Variants in SCAMP1 observed in about 807,000 individuals in gnomAD.
The protein encoded by SCAMP1 is secretory carrier-associated membrane protein 1.
Under a neutral mutation model 41.8 loss-of-function variants are expected in SCAMP1, and 15 were observed. That is an observed-to-expected ratio of 0.36 (90% CI 0.24 to 0.55). The LOEUF (loss-of-function observed/expected upper bound fraction) is 0.55, where lower values mean the gene tolerates loss of function less well. Ranked by LOEUF, SCAMP1 falls within the 20% of genes least tolerant of loss-of-function variation. The pLI is 0.86. For missense variants in SCAMP1, 341 were observed against 412.6 expected (o/e 0.83, Z 1.50); for synonymous variants, 135 against 136.8 (o/e 0.99, Z 0.09).
At chr5:78,411,512 AAAATAGGAAGT>A (rs1752076344) in intron 2 of SCAMP1, among the ~76,000 whole-genome samples, 2 of 152,312 alleles carry the variant, frequency 1.3e-5, no homozygotes, top group Non-Finnish European at 2.9e-5. Flanking sequence ...ATCTTATTTT[AAAATAGGAAGT>A]TCGTGTCATG....
At chr5:78,365,494 A>AG (rs1251618984) in intron 1 of SCAMP1, among the ~76,000 whole-genome samples, 9 of 151,716 alleles carry the variant, frequency 5.9e-5, no homozygotes, top group Non-Finnish European at 1.2e-4. Context: ...AAAAAAAAAA[A>AG]AAAAGTTCTG....
At chr5:78,427,264 C>G (rs1295671020) in intron 6 of SCAMP1, among the ~76,000 whole-genome samples, 1 of 152,062 alleles carries the variant, frequency 6.6e-6, no homozygotes, top group Non-Finnish European at 1.5e-5. Flanking sequence ...GTGCCATGCT[C>G]TTTTTAATAG....
At chr5:78,442,759 G>A (rs559257485) in intron 6 of SCAMP1, among the ~76,000 whole-genome samples, 8 of 152,240 alleles carry the variant, frequency 5.3e-5, no homozygotes, top group Non-Finnish European at 8.8e-5. Flanking sequence ...TGAGATTTTA[G>A]TTGTTATATT....
intron 2 of SCAMP1, among the ~76,000 whole-genome samples, chr5:78,389,549 G>T (rs1261465995): frequency 2.0e-5 from 3 of 152,018 alleles, no homozygotes; most frequent in African/African-American, 7.3e-5. Flanking sequence ...AACTACAGAT[G>T]TGAGCCGTGG....
In SCAMP1 at chr5:78,459,652, C is replaced by T. The variant is rs184255754; in HGVS notation, c.852+290C>T. ...TAAAATTTGGATTTTTAAATATACTCTAAATTTCTTTTTTTTGATATGAAG... is the reference window on the plus strand; with the variant it reads ...TAAAATTTGGATTTTTAAATATACTTTAAATTTCTTTTTTTTGATATGAAG... On this transcript the variant is annotated intron_variant, in intron 8 of 8. Coordinates refer to ENST00000621999, the MANE Select transcript of SCAMP1 (RefSeq NM_004866.6). Among the ~76,000 whole-genome samples the T allele has an allele frequency of 2.4e-3, 371 of 152,058 alleles. 1 individual carries two copies. The highest frequency in any genetic ancestry group is 4.3e-3 in the Non-Finnish European group (294 of 67,982).
At chr5:78,457,979 C>G (rs149538063) in intron 7 of SCAMP1, 1 of 152,600 alleles carries the variant, frequency 6.6e-6, no homozygotes, top group Non-Finnish European at 1.5e-5. Flanking sequence ...TTCTTTGACT[C>G]GGAAAGGGAA....
At chr5:78,407,124 A>G (rs1287683881) in intron 2 of SCAMP1, among the ~76,000 whole-genome samples, 1 of 152,176 alleles carries the variant, frequency 6.6e-6, no homozygotes, top group Non-Finnish European at 1.5e-5. Context: ...TAAAATGAAG[A>G]TGATATACTA....
intron 1 of SCAMP1, among the ~76,000 whole-genome samples, chr5:78,385,904 G>A (rs1424732490): frequency 3.3e-5 from 5 of 151,920 alleles, no homozygotes; most frequent in South Asian, 2.1e-4. Context: ...TGCTGATGAA[G>A]AGAATGTATG....
intron 8 of SCAMP1, among the ~76,000 whole-genome samples, chr5:78,462,949 T>G (rs1449587272): frequency 2.0e-5 from 3 of 152,174 alleles, no homozygotes; most frequent in Admixed American, 2.0e-4. Context: ...TCCTTATAAT[T>G]TTTTTTACCA....
chr5:78,425,353 G>A (rs539443156), intron 6 of SCAMP1, among the ~76,000 whole-genome samples: 14 of 152,234 alleles, frequency 9.2e-5, no homozygotes, highest in Non-Finnish European at 1.3e-4. Context: ...TATCAATACC[G>A]CTGAAGCACT....
chr5:78,370,036 G>A (rs990594286), intron 1 of SCAMP1, among the ~76,000 whole-genome samples: 1 of 152,182 alleles, frequency 6.6e-6, no homozygotes, highest in Admixed American at 6.5e-5. Context: ...GAAGGGATGT[G>A]CCATGTCATG....
At position 78,477,040 on chromosome 5, in the gene SCAMP1, T is replaced by C. The variant is rs565824869; in HGVS notation, c.*1372T>C. On this transcript the variant is annotated 3_prime_UTR_variant, in exon 9 of 9. Coordinates refer to ENST00000621999, the MANE Select transcript of SCAMP1 (RefSeq NM_004866.6). Reference sequence around the variant, plus strand: ...CTAAATTAAGATTGCAGAATGATAGTGATTATTCAATTAGATTTTAAGTAA... The same window carrying C: ...CTAAATTAAGATTGCAGAATGATAGCGATTATTCAATTAGATTTTAAGTAA... The C allele has an allele frequency of 1.3e-5, 2 of 152,266 alleles. No individual in the cohort carries two copies. The highest frequency in any genetic ancestry group is 4.1e-4 in the South Asian group (2 of 4,826). The allele number at this position is 152,266 out of a possible 1,614,324, so 9.4% of individuals were successfully genotyped here.
chr5:78,479,956 G>A lies in SCAMP1; in HGVS notation c.*4288G>A, dbSNP rs1442879130. 6.6e-6 allele frequency among the ~76,000 whole-genome samples: 1 copy of A among 151,938 alleles called. No homozygotes were observed. Among genetic ancestry groups the A allele is most frequent in the African/African-American group, 2.4e-5 (1 of 41,358 alleles). Reference sequence around the variant, plus strand: ...AGCTACTTGGGAGGCTGAGGCAGGAGAATGACGTGAACCTGGGAGGCGGAG... The same window carrying A: ...AGCTACTTGGGAGGCTGAGGCAGGAAAATGACGTGAACCTGGGAGGCGGAG... On this transcript the variant is annotated 3_prime_UTR_variant, in exon 9 of 9. Transcript: ENST00000621999.
At chr5:78,416,508 C>G (rs1257780256) in intron 3 of SCAMP1, 33 bp from the exon 4 acceptor site, 9 of 1,455,802 alleles carry the variant, frequency 6.2e-6, no homozygotes, top group Non-Finnish European at 8.4e-6. Context: ...ATACTTCTGA[C>G]AGTCTATTCA....
At position 78,432,449 on chromosome 5, in the gene SCAMP1, A is replaced by G. The variant is rs143003906; in HGVS notation, c.632+10489A>G. Among the ~76,000 whole-genome samples, 525 of 152,242 alleles carry G rather than the reference A, an allele frequency of 3.4e-3. 2 individuals are homozygous for G. The highest frequency in any genetic ancestry group is 6.8e-3 in the Middle Eastern group (2 of 294). ...TCTTCATTTTTTGTTCATCTTTGAAAGATATTATCAATAAGTATAATATGG... is the reference window on the plus strand; with the variant it reads ...TCTTCATTTTTTGTTCATCTTTGAAGGATATTATCAATAAGTATAATATGG... On this transcript the variant is annotated intron_variant, in intron 6 of 8. Coordinates refer to ENST00000621999, the MANE Select transcript of SCAMP1 (RefSeq NM_004866.6).
intron 4 of SCAMP1, among the ~76,000 whole-genome samples, chr5:78,418,022 ATT>A (rs1200790216): frequency 6.6e-6 from 1 of 151,990 alleles, no homozygotes; most frequent in Non-Finnish European, 1.5e-5. Flanking sequence ...TGACTTCTTT[ATT>A]TTAATTTTTT....
At chr5:78,369,668 A>T (rs949135092) in intron 1 of SCAMP1, among the ~76,000 whole-genome samples, 22 of 152,168 alleles carry the variant, frequency 1.4e-4, no homozygotes, top group African/African-American at 4.6e-4. Flanking sequence ...TTATTTTTTT[A>T]AAAAAGGCAA....
intron 2 of SCAMP1, among the ~76,000 whole-genome samples, chr5:78,414,383 A>G (rs1183299524): frequency 6.6e-6 from 1 of 151,948 alleles, no homozygotes; most frequent in Admixed American, 6.6e-5. Context: ...CCCGGGTTCA[A>G]GCGATTCTTC....
chr5:78,415,671 C>T, intron 3 of SCAMP1, 53 bp downstream of exon 3: 1 of 1,103,624 alleles, frequency 9.1e-7, no homozygotes, highest in African/African-American at 1.6e-5. Context: ...ATATCAATAA[C>T]ATTTGCTTTC....
Sources: allele counts gnomAD v4.1 joint callset (sites outside exome capture counted in the v4.1 genomes callset), GRCh38; gene constraint gnomAD v4.1.1; transcripts MANE v1.5; gene names NCBI Gene and HGNC (gene_info 2026-07-23, HGNC 2026-07-21).